The following CFAP100 variants were observed in gnomAD, a reference collection of about 807,000 sequenced individuals.
CFAP100 encodes the protein cilia and flagella associated protein 100.
In CFAP100, 70 loss-of-function variants were observed where a neutral mutation model predicts 81.5. That is an observed-to-expected ratio of 0.86 (90% confidence interval 0.71 to 1.05). The LOEUF (loss-of-function observed/expected upper bound fraction) is 1.05, where lower values mean the gene tolerates loss of function less well. Among genes scored for constraint, CFAP100 ranks in the 50% least tolerant of loss-of-function variants. The pLI, the probability that CFAP100 is intolerant of heterozygous loss-of-function variation, is 0.00. For synonymous variants in CFAP100, 341 were observed against 314.8 expected, an observed-to-expected ratio of 1.08 and a Z score of -0.88; for missense variants, 811 against 776.5, an observed-to-expected ratio of 1.04 and a Z score of -0.53.
intron 8 of CFAP100, among the ~76,000 whole-genome samples, chr3:126,419,362 T>C (rs1444312691): frequency 1.3e-5 from 2 of 152,154 alleles, no homozygotes; most frequent in African/African-American, 4.8e-5. Context: ...CACTTGGAGG[T>C]TGGCAGCTTG....
intron 14 of CFAP100, chr3:126,433,708 G>A (rs1450386631): frequency 1.0e-5 from 2 of 190,840 alleles, no homozygotes; most frequent in Admixed American, 5.4e-5. Flanking sequence ...ATGCAGCCAT[G>A]AGCAAGACAG....
At chr3:126,427,499 G>A (rs926951723) in intron 13 of CFAP100, among the ~76,000 whole-genome samples, 5 of 151,808 alleles carry the variant, frequency 3.3e-5, no homozygotes, top group African/African-American at 4.8e-5. Flanking sequence ...CCTCAGTGCC[G>A]TGTCTGTATG....
rs768482450 is a variant in CFAP100, at chr3:126,416,526, CG to C, written c.418+24del. The C allele has an allele frequency of 2.4e-5, 37 of 1,535,070 alleles. 1 individual carries two copies. The Middle Eastern group carries it at 6.9e-4, about 28-fold the overall frequency. Reference sequence around the variant, plus strand: ...GACCAAAGGTGCGTCCCCTCCGGCGCGGGGGGACCTGGGCCAGTGGCGTCCC... The same window carrying C: ...GACCAAAGGTGCGTCCCCTCCGGCGCGGGGGACCTGGGCCAGTGGCGTCCC... On this transcript the variant is annotated intron_variant, in intron 5 of 16. Transcript: ENST00000352312.
chr3:126,408,311 G>A (rs1223292918), intron 3 of CFAP100, among the ~76,000 whole-genome samples: 2 of 152,084 alleles, frequency 1.3e-5, no homozygotes, highest in Admixed American at 6.6e-5. Flanking sequence ...CACCACACCC[G>A]ACAAAGTGAA....
At chr3:126,426,485 C>T (rs1257416495) in intron 13 of CFAP100, among the ~76,000 whole-genome samples, 1 of 150,672 alleles carries the variant, frequency 6.6e-6, no homozygotes, top group East Asian at 1.9e-4. Flanking sequence ...GGTGCAATGG[C>T]TCATGCCTGT....
chr3:126,433,563 T>C lies in CFAP100; in HGVS notation c.1422+359T>C, dbSNP rs551498608. 14 of 241,130 alleles carry C rather than the reference T, an allele frequency of 5.8e-5. No individual in the cohort carries two copies. In the East Asian group the frequency reaches 1.3e-3, roughly 23 times the overall value. 14.9% of individuals were successfully genotyped at this position (241,130 alleles called of 1,614,324 possible). ...AGAGAAGAGAAAGCCAGTGGTGTTC[T>C]GAGCAGCAGAAGCCAGGACCCAGAC... On this transcript the variant is annotated intron_variant, in intron 14 of 16. Coordinates refer to ENST00000352312, the MANE Select transcript of CFAP100 (RefSeq NM_182628.3).
At chr3:126,415,728 G>A (rs1268090942) in intron 4 of CFAP100, among the ~76,000 whole-genome samples, 1 of 152,136 alleles carries the variant, frequency 6.6e-6, no homozygotes, top group Non-Finnish European at 1.5e-5. Context: ...TCCCCACTGT[G>A]AGAACAGGAC....
intron 14 of CFAP100, 137 bp downstream of exon 14, chr3:126,433,341 C>G: frequency 9.4e-7 from 1 of 1,066,732 alleles, no homozygotes; most frequent in South Asian, 1.5e-5. Context: ...CTTGCCCTGC[C>G]TCCCTCCAGG....
In CFAP100 at chr3:126,434,355, G is replaced by C. The variant is rs771958881; in HGVS notation, c.1602G>C (p.Arg534Ser). The change falls in exon 15 of 17, where the codon AGG becomes AGC. Residue 534 changes from arginine to serine, a missense_variant. Transcript: ENST00000352312. Reference sequence around the variant, plus strand: ...AGGTCAAGATCGAGCAGGCCGAGAGGGCAAAGGAGAAGGAGCGGCGCATCA... The same window carrying C: ...AGGTCAAGATCGAGCAGGCCGAGAGCGCAAAGGAGAAGGAGCGGCGCATCA... ...VPQVKIEQAERAKEKERRIRL... is the reference protein window; with the variant it reads ...VPQVKIEQAESAKEKERRIRL... The C allele has an allele frequency of 6.2e-7, 1 of 1,613,896 alleles. No homozygotes were observed. Among genetic ancestry groups the C allele is most frequent in the Non-Finnish European group, 8.5e-7 (1 of 1,179,954 alleles).
chr3:126,430,835 CTGTGT>C (rs1268359309), intron 13 of CFAP100, among the ~76,000 whole-genome samples: 1 of 151,794 alleles, frequency 6.6e-6, no homozygotes, highest in East Asian at 1.9e-4. Context: ...AGTTGCCTAT[CTGTGT>C]TGTCTTACAG....
At chr3:126,436,046 C>T (rs1042607460) in intron 16 of CFAP100, among the ~76,000 whole-genome samples, 4 of 152,204 alleles carry the variant, frequency 2.6e-5, no homozygotes, top group Admixed American at 1.3e-4. Context: ...ACCCTGGCAA[C>T]AGGAAGCAGG....
chr3:126,428,541 G>A (rs554304091), intron 13 of CFAP100, among the ~76,000 whole-genome samples: 10 of 152,346 alleles, frequency 6.6e-5, no homozygotes, highest in Middle Eastern at 3.4e-3. Context: ...TGTCCAGGAA[G>A]GTTCACTGAT....
chr3:126,401,693 G>A (rs556542740), intron 2 of CFAP100, among the ~76,000 whole-genome samples: 104 of 151,818 alleles, frequency 6.9e-4, no homozygotes, highest in African/African-American at 2.4e-3. Context: ...GCAGGTGGGA[G>A]GGGGAGGAGA....
At chr3:126,416,233 C>CCCCGG in intron 4 of CFAP100, 83 bp from the exon 5 acceptor site, 9 of 1,262,202 alleles carry the variant, frequency 7.1e-6, no homozygotes, top group Non-Finnish European at 9.9e-6. Flanking sequence ...AAACCCGCGT[C>CCCCGG]CCTAGGAATG....
chr3:126,434,068 C>T, intron 14 of CFAP100, 108 bp from the exon 15 acceptor site: 2 of 914,236 alleles, frequency 2.2e-6, no homozygotes, highest in South Asian at 3.2e-5. Flanking sequence ...CACTGTGTGC[C>T]AAGCGGTGGC....
In CFAP100 at chr3:126,435,665, G is replaced by A. The variant is rs377746644; in HGVS notation, c.1722+13G>A. 6.2e-5 allele frequency: 100 copies of A among 1,604,742 alleles called. No homozygotes were observed. Among genetic ancestry groups the A allele is most frequent in the Non-Finnish European group, 5.9e-5 (69 of 1,173,884 alleles). ...GATCAAGAAGAAGGTAGGCAGGGTC[G>A]CCTTGGGGGGTCTCTGCTGGAGGGG... On this transcript the variant is annotated intron_variant, in intron 16 of 16. Transcript: ENST00000352312.
In CFAP100 at chr3:126,407,236, G is replaced by A. The variant is rs761060449; in HGVS notation, c.114G>A (p.Gln38=). ...GCACTGAAGAGAACCCAAAGAAACAGGCAAGAAAAAACGAAGGTAACCTTC... is the reference window on the plus strand; with the variant it reads ...GCACTGAAGAGAACCCAAAGAAACAAGCAAGAAAAAACGAAGGTAACCTTC... ...SSSTEENPKK[Q]ARKNEEHGPD... The change falls in exon 3 of 17, where the codon CAG becomes CAA. Residue 38 remains glutamine (Q), a synonymous_variant. Transcript: ENST00000352312. The A allele has an allele frequency of 8.7e-6, 14 of 1,613,490 alleles. No homozygotes were observed. The Admixed American group carries it at 1.2e-4, about 13-fold the overall frequency.
chr3:126,396,113 C>A lies in CFAP100; in HGVS notation c.49+64C>A, dbSNP rs184163825. 2.4e-4 allele frequency: 298 copies of A among 1,262,614 alleles called. 2 individuals are homozygous for A. The African/African-American group carries it at 4.1e-3, about 18-fold the overall frequency. 78.2% of individuals were successfully genotyped at this position (1,262,614 alleles called of 1,614,324 possible). ...GGGCAGCTTCGGAGCCTGTCCAGCTCCCTCACAGGTTAAGGTAGCTCTAAA... is the reference window on the plus strand; with the variant it reads ...GGGCAGCTTCGGAGCCTGTCCAGCTACCTCACAGGTTAAGGTAGCTCTAAA... On this transcript the variant is annotated intron_variant, in intron 2 of 16. Coordinates refer to ENST00000352312, the MANE Select transcript of CFAP100 (RefSeq NM_182628.3).
intron 4 of CFAP100, among the ~76,000 whole-genome samples, chr3:126,415,113 G>A (rs533195255): frequency 4.1e-4 from 63 of 152,024 alleles, no homozygotes; most frequent in Non-Finnish European, 6.8e-4. Context: ...TGAGGCGTTC[G>A]GTTTTCCTCT....
Sources: allele counts gnomAD v4.1 joint callset (sites outside exome capture counted in the v4.1 genomes callset), GRCh38; gene constraint gnomAD v4.1.1; transcripts MANE v1.5; gene names NCBI Gene and HGNC (gene_info 2026-07-23, HGNC 2026-07-21).